The following FGFR2 variants were observed in gnomAD, a reference collection of about 807,000 sequenced individuals.
FGFR2 encodes the protein fibroblast growth factor receptor 2, also known as BEK fibroblast growth factor receptor.
A neutral mutation model predicts 95.9 loss-of-function variants in FGFR2; 19 were observed. The ratio of observed to expected loss-of-function variants is 0.20; its 90% confidence interval spans 0.14 to 0.29. The LOEUF is 0.29. Ranked by LOEUF, FGFR2 falls within the 10% of genes least tolerant of loss-of-function variation. The pLI is 1.00. For missense variants in FGFR2, 707 were observed against 1,056.9 expected (o/e 0.67, Z 4.59); for synonymous variants, 392 against 393.3 (o/e 1.00, Z 0.04).
rs2133771908 is a variant in FGFR2, at chr10:121,483,802, A to C, written c.2197T>G (p.Tyr733Asp). Residue 733 changes from tyrosine to aspartate, a missense_variant and splice_region_variant, in exon 17 of 18, where the codon TAC becomes GAC. Around this residue, in one of 7 missense-constraint regions of FGFR2, gnomAD observed 104 missense variants for 214.2 expected, o/e 0.49. Transcript: ENST00000358487. ...DKPANCTNEL[Y>D]MMMRDCWHAV... Reference sequence around the variant, plus strand: ...TGCCAACAGTCCCTCATCATCATGTACCTGGGAAAAATGGATTTCCTTGAA... The same window carrying C: ...TGCCAACAGTCCCTCATCATCATGTCCCTGGGAAAAATGGATTTCCTTGAA... 6.2e-7 allele frequency: 1 copy of C among 1,611,670 alleles called. No individual in the cohort carries two copies. The highest frequency in any genetic ancestry group is 8.5e-7 in the Non-Finnish European group (1 of 1,178,342).
intron 2 of FGFR2, among the ~76,000 whole-genome samples, chr10:121,589,488 A>G (rs1268307120): frequency 6.6e-6 from 1 of 152,032 alleles, no homozygotes; most frequent in Non-Finnish European, 1.5e-5. Context: ...TGAAAGGAAT[A>G]AAGTCTTTAC....
At chr10:121,589,682 A>G (rs1862342031) in intron 2 of FGFR2, among the ~76,000 whole-genome samples, 1 of 152,236 alleles carries the variant, frequency 6.6e-6, no homozygotes, top group South Asian at 2.1e-4. Context: ...AATATTAAAC[A>G]TGGCTCTTGG....
chr10:121,506,906 AT>A, intron 9 of FGFR2, among the ~76,000 whole-genome samples: 1 of 152,348 alleles, frequency 6.6e-6, no homozygotes, highest in Admixed American at 6.5e-5. Context: ...TAACAAAAAT[AT>A]TTTTTAGAAT....
chr10:121,576,743 C>A (rs1343070264), intron 2 of FGFR2, among the ~76,000 whole-genome samples: 1 of 152,152 alleles, frequency 6.6e-6, no homozygotes, highest in African/African-American at 2.4e-5. Context: ...CAACAGACAG[C>A]TATACCCCAA....
chr10:121,542,893 A>C (rs1347766456), intron 5 of FGFR2, among the ~76,000 whole-genome samples: 1 of 152,220 alleles, frequency 6.6e-6, no homozygotes, highest in Non-Finnish European at 1.5e-5. Flanking sequence ...ACCGCAGTGA[A>C]AGGTGAAGGG....
intron 4 of FGFR2, among the ~76,000 whole-genome samples, chr10:121,560,528 T>G (rs548920750): frequency 7.2e-6 from 1 of 138,302 alleles, no homozygotes. Context: ...GGCAGGAGAA[T>G]GGCGTGAACC....
chr10:121,548,252 T>A, intron 5 of FGFR2, among the ~76,000 whole-genome samples: 1 of 34,460 alleles, frequency 2.9e-5, no homozygotes, highest in East Asian at 4.7e-4. Flanking sequence ...GGCCTTTTTT[T>A]TTTTTTTTTT....
chr10:121,540,473 C>G (rs1853545187), intron 5 of FGFR2, among the ~76,000 whole-genome samples: 1 of 152,146 alleles, frequency 6.6e-6, no homozygotes, highest in Non-Finnish European at 1.5e-5. Flanking sequence ...GCTAAATCTT[C>G]CAGCGCAATG....
chr10:121,536,092 T>C (rs1468289999), intron 6 of FGFR2, among the ~76,000 whole-genome samples: 1 of 152,228 alleles, frequency 6.6e-6, no homozygotes, highest in Non-Finnish European at 1.5e-5. Flanking sequence ...GTGTATCACA[T>C]TTGGGCCTGT....
intron 5 of FGFR2, among the ~76,000 whole-genome samples, chr10:121,544,479 A>G (rs1854222884): frequency 6.6e-6 from 1 of 152,042 alleles, no homozygotes; most frequent in African/African-American, 2.4e-5. Context: ...ATATCCATAC[A>G]ATGGAATATA....
intron 2 of FGFR2, among the ~76,000 whole-genome samples, chr10:121,585,042 G>GT (rs1352167835): frequency 6.6e-6 from 1 of 152,100 alleles, no homozygotes; most frequent in Non-Finnish European, 1.5e-5. Flanking sequence ...ATGTGGCAGA[G>GT]TATTTTGTAT....
At chr10:121,574,767 T>C (rs897521036) in intron 2 of FGFR2, among the ~76,000 whole-genome samples, 1 of 152,128 alleles carries the variant, frequency 6.6e-6, no homozygotes, top group South Asian at 2.1e-4. Flanking sequence ...CTACGTGTTC[T>C]TTAAGGGGGC....
chr10:121,560,547 G>A (rs937781825), intron 4 of FGFR2, among the ~76,000 whole-genome samples: 1 of 147,726 alleles, frequency 6.8e-6, no homozygotes, highest in East Asian at 2.0e-4. Flanking sequence ...CCCGGGAGGC[G>A]GAGCTTGCAG....
chr10:121,595,760 G>T (rs559510722), intron 1 of FGFR2, among the ~76,000 whole-genome samples: 6 of 152,204 alleles, frequency 3.9e-5, no homozygotes, highest in African/African-American at 1.4e-4. Flanking sequence ...TCCCCGGCCT[G>T]CTCGCCCACC....
intron 2 of FGFR2, among the ~76,000 whole-genome samples, chr10:121,576,989 G>A (rs921309054): frequency 6.6e-6 from 1 of 150,502 alleles, no homozygotes; most frequent in East Asian, 2.0e-4. Flanking sequence ...ACAAAAGTTA[G>A]CTGGGCATGG....
chr10:121,524,566 G>A (rs572646236), intron 6 of FGFR2, among the ~76,000 whole-genome samples: 13 of 152,312 alleles, frequency 8.5e-5, no homozygotes, highest in African/African-American at 3.1e-4. Context: ...TCTGCCGAAC[G>A]CTGCGCTCCT....
Position 121,561,425 on chromosome 10 carries a change from CA to C in FGFR2, c.454+3076del, listed in dbSNP as rs58049520. 3.5e-3 allele frequency among the ~76,000 whole-genome samples: 233 copies of C among 66,290 alleles called. 2 individuals are homozygous for C. Among genetic ancestry groups the C allele is most frequent in the South Asian group, 0.026 (46 of 1,780 alleles). The allele number at this position is 66,290 out of a possible 152,430, so 43.5% of individuals were successfully genotyped here. On this transcript the variant is annotated intron_variant, in intron 4 of 17. Transcript: ENST00000358487. ...GGCAACAAGAGCGAAACTCCCATCT[CA>C]AAAAAAAAAAAAAAAAAACCTAAAG...
At chr10:121,539,417 A>G (rs2134625092) in intron 5 of FGFR2, among the ~76,000 whole-genome samples, 1 of 152,344 alleles carries the variant, frequency 6.6e-6, no homozygotes, top group African/African-American at 2.4e-5. Flanking sequence ...AGACTTTTCA[A>G]AGATAAGCAG....
intron 6 of FGFR2, among the ~76,000 whole-genome samples, chr10:121,522,581 A>G (rs1249445498): frequency 6.6e-6 from 1 of 152,158 alleles, no homozygotes; most frequent in East Asian, 1.9e-4. Flanking sequence ...CTTAGGTGAG[A>G]TGGTAGTTCT....
Sources: gnomAD v4.1 joint callset for allele counts (sites outside exome capture counted in the v4.1 genomes callset) on GRCh38, gnomAD v4.1.1 for gene constraint, gnomAD v4.1.1 regional missense constraint, MANE v1.5 for transcripts, NCBI Gene and HGNC (gene_info 2026-07-23, HGNC 2026-07-21) for gene names.